Variants in SIPA1L2 observed in about 807,000 individuals in gnomAD.
The protein encoded by SIPA1L2 is signal induced proliferation associated 1 like 2.
Under a neutral mutation model 163.9 loss-of-function variants are expected in SIPA1L2, and 56 were observed. The ratio of observed to expected loss-of-function variants is 0.34; its 90% CI spans 0.28 to 0.43. SIPA1L2 has a LOEUF of 0.43. Ranked by LOEUF, SIPA1L2 falls within the 20% of genes least tolerant of loss-of-function variation. The pLI, the probability that SIPA1L2 is intolerant of heterozygous loss-of-function variation, is 1.00. For synonymous variants in SIPA1L2, 877 were observed against 865.7 expected (o/e 1.01, Z -0.23); for missense variants, 1,974 against 2,193.5 (o/e 0.90, Z 2.00).
chr1:232,441,957 T>TG (rs1662926014), intron 12 of SIPA1L2, 89 bp from the exon 13 acceptor site: 1 of 1,113,002 alleles, frequency 9.0e-7, no homozygotes. Flanking sequence ...AAGTAGGCTA[T>TG]GCGAGGGAAA....
chr1:232,402,661 A>C lies in SIPA1L2; in HGVS notation c.4941-188T>G. On this transcript the variant is annotated intron_variant, in intron 21 of 22. Coordinates refer to ENST00000674635, the MANE Select transcript of SIPA1L2 (RefSeq NM_020808.5). ...GAAAGCCCATTCTGGGACTTTACTGATTTAAAAAGAGATGCAGAAACTCTA... is the reference window on the plus strand; with the variant it reads ...GAAAGCCCATTCTGGGACTTTACTGCTTTAAAAAGAGATGCAGAAACTCTA... 1.5e-5 allele frequency: 7 copies of C among 463,326 alleles called. No individual in the cohort carries two copies. The South Asian group carries it at 1.9e-4, about 12-fold the overall frequency. 28.7% of individuals were successfully genotyped at this position (463,326 alleles called of 1,614,324 possible). A position where few individuals can be genotyped will look rare whatever the true frequency, so the allele number is the denominator to read the frequency against.
chr1:232,562,139 T>C (rs1337295877), intron 2 of SIPA1L2, among the ~76,000 whole-genome samples: 1 of 152,168 alleles, frequency 6.6e-6, no homozygotes, highest in Non-Finnish European at 1.5e-5. Flanking sequence ...GACCCAAATG[T>C]AGTTAGGAAA....
intron 2 of SIPA1L2, among the ~76,000 whole-genome samples, chr1:232,521,764 G>C (rs888861552): frequency 6.6e-6 from 1 of 152,082 alleles, no homozygotes; most frequent in Non-Finnish European, 1.5e-5. Context: ...TCCTCCTCAG[G>C]TTGTCTTTAA....
At chr1:232,462,118 A>G in intron 9 of SIPA1L2, 1 of 1,069,730 alleles carries the variant, frequency 9.3e-7, no homozygotes, top group East Asian at 2.6e-5. Context: ...AAAAAGGAAC[A>G]TGAAAGAAGA....
At chr1:232,524,915 T>C (rs1292995236) in intron 2 of SIPA1L2, among the ~76,000 whole-genome samples, 1 of 152,202 alleles carries the variant, frequency 6.6e-6, no homozygotes, top group Non-Finnish European at 1.5e-5. Flanking sequence ...TGTAACTGTA[T>C]ATGTATGCTA....
At chr1:232,535,112 G>A (rs1657221414) in intron 2 of SIPA1L2, among the ~76,000 whole-genome samples, 1 of 152,154 alleles carries the variant, frequency 6.6e-6, no homozygotes, top group Admixed American at 6.5e-5. Flanking sequence ...CAGACTCTAA[G>A]CTGTGTAAGT....
In SIPA1L2 at chr1:232,513,917, A is replaced by G. The variant is rs746743122; in HGVS notation, c.1423T>C (p.Tyr475His). ...QPIHREKVKR[Y>H]IIEHIDLGAY... ...CCAAGGTCAATGTGTTCTATGATGT[A>G]GCGCTTCACTTTCTCCCTGTGAATA... Residue 475 changes from tyrosine to histidine, a missense_variant, in exon 3 of 23, where the codon TAC becomes CAC. This residue lies in a region of SIPA1L2 where 607 missense variants were observed against 624.0 expected (regional missense o/e 0.97). Coordinates refer to ENST00000674635, the MANE Select transcript of SIPA1L2 (RefSeq NM_020808.5). 1 of 1,613,342 alleles carries G rather than the reference A, an allele frequency of 6.2e-7. No homozygotes were observed. The highest frequency in any genetic ancestry group is 2.2e-5 in the East Asian group (1 of 44,874).
chr1:232,475,114 T>G (rs1415782374), intron 7 of SIPA1L2, among the ~76,000 whole-genome samples: 1 of 152,174 alleles, frequency 6.6e-6, no homozygotes, highest in East Asian at 1.9e-4. Context: ...GCACACAAGT[T>G]CTCAGTCCTG....
Position 232,483,186 on chromosome 1 carries a change from C to T in SIPA1L2, c.1981+606G>A, listed in dbSNP as rs372134935. ...ATTGGTCAGTCAATCCGCCACTGTA[C>T]AGCTAGTAGGTGTCCCACTCAAGGG... On this transcript the variant is annotated intron_variant, in intron 6 of 22. Transcript: ENST00000674635. Among the ~76,000 whole-genome samples the T allele has an allele frequency of 3.6e-4, 54 of 151,692 alleles. 1 individual carries two copies. Among genetic ancestry groups the T allele is most frequent in the African/African-American group, 1.2e-3 (51 of 41,330 alleles).
intron 1 of SIPA1L2, among the ~76,000 whole-genome samples, chr1:232,624,025 A>C (rs565038573): frequency 6.6e-6 from 1 of 152,182 alleles, no homozygotes. Context: ...TAAAATGTAC[A>C]TTTGTTTTAT....
chr1:232,549,828 T>G (rs2103131019), intron 2 of SIPA1L2, among the ~76,000 whole-genome samples: 1 of 152,324 alleles, frequency 6.6e-6, no homozygotes, highest in South Asian at 2.1e-4. Flanking sequence ...TTGTTTATGT[T>G]GCTAATTGAC....
At position 232,399,142 on chromosome 1, in the gene SIPA1L2, G is replaced by A. The variant is rs775669622; in HGVS notation, c.5154C>T (p.Ile1718=). ...TGCGGATTGGCTAAGATTTTTTGTCGATGGTGGTGAAAAACCATTCTGTGA... is the reference window on the plus strand; with the variant it reads ...TGCGGATTGGCTAAGATTTTTTGTCAATGGTGGTGAAAAACCATTCTGTGA... ...RKFTEWFFTT[I]DKKS is the part of the protein sequence containing the mutation. Residue 1718 remains isoleucine (I), a synonymous_variant, in exon 23 of 23, where the codon ATC becomes ATT. Transcript: ENST00000674635. 19 of 1,613,932 alleles carry A rather than the reference G, an allele frequency of 1.2e-5. No individual in the cohort carries two copies. The highest frequency in any genetic ancestry group is 6.7e-5 in the East Asian group (3 of 44,876).
chr1:232,498,509 C>T (rs551576102), intron 3 of SIPA1L2, among the ~76,000 whole-genome samples: 4 of 152,346 alleles, frequency 2.6e-5, no homozygotes, highest in African/African-American at 9.6e-5. Flanking sequence ...AGCTCTGGAG[C>T]TCAGAAGTCA....
At position 232,425,719 on chromosome 1, in the gene SIPA1L2, G is replaced by A. The variant is rs760260682; in HGVS notation, c.4500C>T (p.Ser1500=). The A allele has an allele frequency of 7.4e-6, 12 of 1,614,118 alleles. No homozygotes were observed. In the East Asian group the frequency reaches 2.5e-4, roughly 33 times the overall value. The change falls in exon 18 of 23, where the codon TCC becomes TCT. Residue 1500 remains serine (S), a synonymous_variant. Transcript: ENST00000674635. ...ESICSNRRGS[S]FGSSRSSVLD... is the part of the protein sequence containing the mutation. ...GCACGGAACTCCGGGAACTGCCAAAGGAGGACCCCCTCCTGTTGCTGCAGA... is the reference window on the plus strand; with the variant it reads ...GCACGGAACTCCGGGAACTGCCAAAAGAGGACCCCCTCCTGTTGCTGCAGA...
At chr1:232,597,422 A>C (rs1053103172) in intron 1 of SIPA1L2, among the ~76,000 whole-genome samples, 13 of 152,032 alleles carry the variant, frequency 8.6e-5, no homozygotes, top group Non-Finnish European at 1.9e-4. Flanking sequence ...TCACACCTGT[A>C]ATCCCAGCAC....
intron 9 of SIPA1L2, among the ~76,000 whole-genome samples, chr1:232,462,677 A>T (rs1664302401): frequency 6.6e-6 from 1 of 152,246 alleles, no homozygotes; most frequent in Non-Finnish European, 1.5e-5. Flanking sequence ...AATTTTGGTC[A>T]CTTCTTTTTC....
chr1:232,471,600 C>CT (rs1427579565), intron 7 of SIPA1L2, 72 bp from the exon 8 acceptor site: 1 of 1,265,562 alleles, frequency 7.9e-7, no homozygotes, highest in African/African-American at 1.6e-5. Context: ...ATTCACTCAT[C>CT]TTTCAATTTG....
intron 6 of SIPA1L2, among the ~76,000 whole-genome samples, chr1:232,482,031 G>A (rs1665387878): frequency 1.3e-5 from 2 of 152,184 alleles, no homozygotes; most frequent in South Asian, 4.1e-4. Context: ...CTAAAAGAAT[G>A]TCAGACTTCC....
chr1:232,510,231 A>AAT (rs10678164), intron 3 of SIPA1L2, among the ~76,000 whole-genome samples: 101,846 of 149,082 alleles, frequency 0.68, 35,938 homozygotes, highest in Non-Finnish European at 0.79. Flanking sequence ...TCAATATGAA[A>AAT]ATATATATAT....
Sources: gnomAD v4.1 joint callset for allele counts (sites outside exome capture counted in the v4.1 genomes callset) on GRCh38, gnomAD v4.1.1 for gene constraint, gnomAD v4.1.1 regional missense constraint, MANE v1.5 for transcripts, NCBI Gene and HGNC (gene_info 2026-07-23, HGNC 2026-07-21) for gene names.